The following PLCXD1 variants were observed in gnomAD, a reference collection of about 807,000 sequenced individuals.
PLCXD1 encodes phosphatidylinositol specific phospholipase C X domain containing 1.
PLCXD1 carries 45 observed loss-of-function variants against 37.8 expected under a neutral mutation model. The observed-to-expected ratio is 1.19, with a 90% CI of 0.94 to 1.53. The LOEUF (loss-of-function observed/expected upper bound fraction) is 1.53. Among genes scored for constraint, PLCXD1 ranks in the 40% most tolerant of loss-of-function variants. The pLI is 0.00. For synonymous variants in PLCXD1, 246 were observed against 206.9 expected (o/e 1.19, Z -1.62); for missense variants, 539 against 454.7 (o/e 1.19, Z -1.69).
At chrX:288,929 C>T (rs774566186) in intron 3 of PLCXD1, 60 bp downstream of exon 3, 57 of 1,556,652 alleles carry the variant, frequency 3.7e-5, no homozygotes, top group East Asian at 3.6e-4. Context: ...CCCACGGCCC[C>T]GTGGTGCTGA....
intron 6 of PLCXD1, among the ~76,000 whole-genome samples, chrX:295,979 A>G (rs1456661284): frequency 7.2e-6 from 1 of 138,250 alleles, no homozygotes; most frequent in Non-Finnish European, 1.6e-5. Flanking sequence ...ACGCCCGGCT[A>G]ATTTTTATTT....
At position 299,157 on chromosome X, in the gene PLCXD1, C is replaced by T. The variant is rs778506926; in HGVS notation, c.794C>T (p.Pro265Leu). 1.4e-5 allele frequency: 23 copies of T among 1,613,800 alleles called. No homozygotes were observed. In the East Asian group the frequency reaches 2.0e-4, roughly 14 times the overall value. Residue 265 changes from proline (P) to leucine (L), a missense_variant, in exon 7 of 7, where the codon CCG becomes CTG. Transcript: ENST00000381657. ...AACCTGCAGTACGTTCTGGCGCACC[C>T]GTCCGAGTCCCTGGAGAAGATGACG... ...TENLQYVLAH[P>L]SESLEKMTLP...
At chrX:287,483 T>A (rs949614464) in intron 2 of PLCXD1, among the ~76,000 whole-genome samples, 3 of 130,478 alleles carry the variant, frequency 2.3e-5, no homozygotes, top group African/African-American at 3.1e-5. Flanking sequence ...TATATATGTT[T>A]ATATATAGAT....
chrX:298,997 T>C (rs2069905359), intron 6 of PLCXD1, 100 bp from the exon 7 acceptor site: 7 of 929,802 alleles, frequency 7.5e-6, no homozygotes, highest in African/African-American at 6.5e-5. Context: ...TTTCAACTCT[T>C]AATTCCTGAG....
chrX:284,582 A>G (rs1277606843), intron 2 of PLCXD1, among the ~76,000 whole-genome samples: 3 of 64,836 alleles, frequency 4.6e-5, no homozygotes, highest in African/African-American at 1.8e-4. Flanking sequence ...ACAGGCATAC[A>G]TGCACACACG....
intron 1 of PLCXD1, among the ~76,000 whole-genome samples, chrX:282,945 TTATA>T (rs58691987): frequency 1.0e-4 from 11 of 105,450 alleles, no homozygotes; most frequent in African/African-American, 2.5e-4. Context: ...TATATATATA[TTATA>T]TATATATTAT....
intron 2 of PLCXD1, 141 bp downstream of exon 2, chrX:284,455 A>G: frequency 2.4e-6 from 2 of 844,604 alleles, no homozygotes; most frequent in Non-Finnish European, 3.8e-6. Flanking sequence ...TAGAAAGCAC[A>G]CTGATGTGGA....
chrX:294,140 C>CCAG (rs2069724584), intron 6 of PLCXD1, among the ~76,000 whole-genome samples: 1 of 151,930 alleles, frequency 6.6e-6, no homozygotes, highest in South Asian at 2.1e-4. Flanking sequence ...AGTTTGGAGA[C>CCAG]CAGCCTGGCC....
intron 2 of PLCXD1, among the ~76,000 whole-genome samples, chrX:286,702 G>A (rs1185239108): frequency 2.0e-5 from 3 of 152,110 alleles, no homozygotes; most frequent in Non-Finnish European, 4.4e-5. Context: ...TTCATACAAC[G>A]TCTGGCATTT....
Position 284,091 on chromosome X carries a change from A to C in PLCXD1, c.-21-76A>C, listed in dbSNP as rs1417439821. 3.4e-6 allele frequency: 4 copies of C among 1,178,940 alleles called. No individual in the cohort carries two copies. The East Asian group carries it at 7.1e-5, about 21-fold the overall frequency. 73.0% of individuals were successfully genotyped at this position (1,178,940 alleles called of 1,614,324 possible). A position where few individuals can be genotyped will look rare whatever the true frequency, so the allele number is the denominator to read the frequency against. ...TTTTTAGTAGAGATGGGGTTTTGTC[A>C]AGTTGGCCAGGCTGGTCTCGAACTC... is the stretch of plus-strand genomic sequence containing the variant. On this transcript the variant is annotated intron_variant, in intron 1 of 6. Transcript: ENST00000381657.
intron 2 of PLCXD1, among the ~76,000 whole-genome samples, chrX:288,277 C>T (rs1280293552): frequency 6.6e-6 from 1 of 151,576 alleles, no homozygotes; most frequent in African/African-American, 2.4e-5. Flanking sequence ...GATCACCACT[C>T]AAGTCATTGA....
At position 283,570 on chromosome X, in the gene PLCXD1, TCAGGCCCGGGTGGGGGCGGCCGTGGTGC is replaced by T. The variant is rs1216740043; in HGVS notation, c.-21-572_-21-545del. On this transcript the variant is annotated intron_variant, in intron 1 of 6. Transcript: ENST00000381657. Reference sequence around the variant, plus strand: ...GGCCCGGGTGGGGGCGGCCTTGGTGTCAGGCCCGGGTGGGGGCGGCCGTGGTGCCAGGCCCGGGTGGGGGCGGCCGTGT... The same window carrying T: ...GGCCCGGGTGGGGGCGGCCTTGGTGTCAGGCCCGGGTGGGGGCGGCCGTGT... The T allele has an allele frequency of 8.2e-3, 1,079 of 132,372 alleles. 4 individuals are homozygous for T. The highest frequency in any genetic ancestry group is 0.022 in the African/African-American group (713 of 33,086). The allele number at this position is 132,372 out of a possible 1,614,324, so 8.2% of individuals were successfully genotyped here.
In PLCXD1 at chrX:293,245, G is replaced by C. The variant is rs190219074; in HGVS notation, c.733+27G>C. 1,685 of 1,580,638 alleles carry C rather than the reference G, an allele frequency of 1.1e-3. 5 individuals are homozygous for C. Among genetic ancestry groups the C allele is most frequent in the Middle Eastern group, 3.0e-3 (13 of 4,398 alleles). On this transcript the variant is annotated intron_variant, in intron 6 of 6. Transcript: ENST00000381657. ...TACCAGGTCGCCCCTCGTGGGGGTA[G>C]ATTCCACACAGCCTCCCGTGACGCC... is the stretch of plus-strand genomic sequence containing the variant.
chrX:280,116 T>C (rs2069231263), upstream of PLCXD1, among the ~76,000 whole-genome samples: 1 of 152,144 alleles, frequency 6.6e-6, no homozygotes, highest in African/African-American at 2.4e-5. Context: ...CCCAAAGTGT[T>C]GAAGTGCTCG....
intron 6 of PLCXD1, among the ~76,000 whole-genome samples, chrX:294,663 G>C (rs1228481472): frequency 6.6e-6 from 1 of 151,606 alleles, no homozygotes; most frequent in East Asian, 1.9e-4. Context: ...AATTAGCCAG[G>C]CATGGTGATG....
chrX:303,200 C>G lies in PLCXD1; in HGVS notation c.*3865C>G, dbSNP rs1490668933. ...CGGCTACCTCAGCCCCACGGCTCTG[C>G]AGGATCAGGGCTCGGGCAGGCCCCG... On this transcript the variant is annotated 3_prime_UTR_variant, in exon 7 of 7. Coordinates refer to ENST00000381657, the MANE Select transcript of PLCXD1 (RefSeq NM_018390.4). 6.6e-6 allele frequency: 1 copy of G among 152,186 alleles called. No individual in the cohort carries two copies. Among genetic ancestry groups the G allele is most frequent in the Non-Finnish European group, 1.5e-5 (1 of 68,046 alleles). The allele number at this position is 152,186 out of a possible 1,614,324, so 9.4% of individuals were successfully genotyped here.
intron 3 of PLCXD1, among the ~76,000 whole-genome samples, chrX:289,882 G>A (rs1381865946): frequency 2.0e-5 from 3 of 152,094 alleles, no homozygotes; most frequent in Non-Finnish European, 4.4e-5. Context: ...GACCTGAGGC[G>A]GGTCTGCAGT....
chrX:290,800 G>A lies in PLCXD1; in HGVS notation c.393+24G>A, dbSNP rs200395461. On this transcript the variant is annotated intron_variant, in intron 4 of 6. Coordinates refer to ENST00000381657, the MANE Select transcript of PLCXD1 (RefSeq NM_018390.4). ...AGGTGCGGCCGGGCTGAGGTGGGAC[G>A]CAATGGGGAGAGTGGGAGGCGGCCG... 827 of 1,604,538 alleles carry A rather than the reference G, an allele frequency of 5.2e-4. 9 individuals are homozygous for A. In the African/African-American group the frequency reaches 9.6e-3, roughly 19 times the overall value.
chrX:284,085 T>A, intron 1 of PLCXD1, 82 bp from the exon 2 acceptor site: 1 of 1,099,156 alleles, frequency 9.1e-7, no homozygotes, highest in Non-Finnish European at 1.4e-6. Context: ...GAGATGGGGT[T>A]TTGTCAAGTT....
Sources: gnomAD v4.1 joint callset for allele counts (sites outside exome capture counted in the v4.1 genomes callset) on GRCh38, gnomAD v4.1.1 for gene constraint, MANE v1.5 for transcripts, NCBI Gene and HGNC (gene_info 2026-07-23, HGNC 2026-07-21) for gene names.